KTN1: variants seen among roughly 807,000 people sequenced by gnomAD.
KTN1 encodes the protein kinectin 1.
KTN1 carries 130 observed loss-of-function variants against 222.5 expected under a neutral mutation model. The observed-to-expected ratio is 0.58, with a 90% CI of 0.51 to 0.68. KTN1 has a LOEUF of 0.68. Ranked by LOEUF, KTN1 falls within the 30% of genes least tolerant of loss-of-function variation. KTN1 has a pLI of 0.00. For missense variants in KTN1, 1,508 were observed against 1,500.4 expected (o/e 1.01, Z -0.08); for synonymous variants, 512 against 496.3 (o/e 1.03, Z -0.42).
At chr14:55,678,535 C>T (rs944066470) in intron 42 of KTN1, 91 bp downstream of exon 42, 30 of 763,730 alleles carry the variant, frequency 3.9e-5, no homozygotes, top group Non-Finnish European at 6.2e-5. Flanking sequence ...CTCCGAAAGT[C>T]ATCTTTCTTG....
chr14:55,580,659 C>CCCTCCCCAAGGACGACTCTCCCGAT (rs1244790235), intron 1 of KTN1, among the ~76,000 whole-genome samples: 4 of 152,006 alleles, frequency 2.6e-5, no homozygotes, highest in African/African-American at 9.7e-5. Flanking sequence ...ACACCCCCCA[C>CCCTCCCCAAGGACGACTCTCCCGAT]CCTCCCCAAG....
intron 6 of KTN1, among the ~76,000 whole-genome samples, chr14:55,629,293 C>T (rs2040229894): frequency 6.6e-6 from 1 of 151,928 alleles, no homozygotes; most frequent in African/African-American, 2.4e-5. Flanking sequence ...TGGTGGGTGC[C>T]TGTAGTCTCA....
At chr14:55,581,043 C>T (rs1594635634) in intron 1 of KTN1, among the ~76,000 whole-genome samples, 2 of 152,352 alleles carry the variant, frequency 1.3e-5, no homozygotes, top group East Asian at 1.9e-4. Flanking sequence ...CCCTTCCTGT[C>T]CCCGAGGGGT....
intron 1 of KTN1, among the ~76,000 whole-genome samples, chr14:55,610,014 G>A (rs989067577): frequency 1.3e-5 from 2 of 152,134 alleles, no homozygotes; most frequent in African/African-American, 2.4e-5. Context: ...AAACAATTCT[G>A]TATGGAGTTT....
At chr14:55,584,670 T>C (rs191716669) in intron 1 of KTN1, among the ~76,000 whole-genome samples, 1 of 152,354 alleles carries the variant, frequency 6.6e-6, no homozygotes, top group East Asian at 1.9e-4. Context: ...TCTGTCATAC[T>C]ATATAATTTC....
intron 1 of KTN1, among the ~76,000 whole-genome samples, chr14:55,590,584 T>G (rs958568579): frequency 6.6e-6 from 1 of 152,184 alleles, no homozygotes; most frequent in Non-Finnish European, 1.5e-5. Flanking sequence ...ATCCCTATTT[T>G]GTTGTTTTGT....
At chr14:55,583,738 C>G (rs2032277070) in intron 1 of KTN1, among the ~76,000 whole-genome samples, 1 of 152,170 alleles carries the variant, frequency 6.6e-6, no homozygotes, top group Non-Finnish European at 1.5e-5. Flanking sequence ...ATTTATATCT[C>G]CAACCCAGAC....
intron 28 of KTN1, among the ~76,000 whole-genome samples, chr14:55,654,733 G>A (rs897718871): frequency 6.6e-6 from 1 of 152,018 alleles, no homozygotes; most frequent in Non-Finnish European, 1.5e-5. Context: ...GAAGTTCATA[G>A]TTTCCATTAG....
intron 14 of KTN1, 63 bp downstream of exon 14, chr14:55,640,066 G>A: frequency 2.1e-6 from 2 of 951,298 alleles, no homozygotes; most frequent in Non-Finnish European, 3.4e-6. Context: ...TTACTTTGAT[G>A]CACATAATCA....
rs1364734336 is a variant in KTN1 at position 55,646,453 on chromosome 14, CTTTTCCT to C, written c.2173-516_2173-510del. ...TTCCTTTCCTTTCCTTTTCCTTTTC[CTTTTCCT>C]TTTCCTTTCCTTTCCTTTCCTTTCC... On this transcript the variant is annotated intron_variant, in intron 18 of 43. Coordinates refer to ENST00000395314, the MANE Select transcript of KTN1 (RefSeq NM_001079521.2). Among the ~76,000 whole-genome samples the C allele has an allele frequency of 1.8e-3, 167 of 91,982 alleles. 4 individuals are homozygous for C. Among genetic ancestry groups the C allele is most frequent in the Middle Eastern group, 6.7e-3 (1 of 150 alleles). The allele number at this position is 91,982 out of a possible 152,430, so 60.3% of individuals were successfully genotyped here.
chr14:55,656,389 T>A (rs1040255531), intron 29 of KTN1: 8 of 341,664 alleles, frequency 2.3e-5, no homozygotes, highest in Admixed American at 1.9e-4. Flanking sequence ...TAACAGTGTT[T>A]TCAAGATCTT....
In KTN1 at chr14:55,616,583, A is replaced by G. The variant is rs770940202; in HGVS notation, c.590A>G (p.His197Arg). The G allele has an allele frequency of 6.2e-7, 1 of 1,608,756 alleles. No individual in the cohort carries two copies. Among genetic ancestry groups the G allele is most frequent in the African/African-American group, 1.3e-5 (1 of 74,184 alleles). ...PSKRQEALPL[H>R]QETKQESGSG... ...AAAAGGCAAGAAGCATTGCCCCTCC[A>G]CCAAGAGACTAAACAAGAAAGTGGA... Residue 197 changes from histidine to arginine, a missense_variant, in exon 3 of 44, where the codon CAC becomes CGC. Physicochemically the swap from His to Arg is conservative, Grantham distance 29. Coordinates refer to ENST00000395314, the MANE Select transcript of KTN1 (RefSeq NM_001079521.2).
rs781130073 is a variant in KTN1, at chr14:55,612,094, A to G, written c.46A>G (p.Ile16Val). The G allele has an allele frequency of 3.9e-6, 6 of 1,539,230 alleles. No individual in the cohort carries two copies. Among genetic ancestry groups the G allele is most frequent in the African/African-American group, 1.4e-5 (1 of 71,464 alleles). ...ATATTTTATTGTTCTTATTCCTTCA[A>G]TAGTTATTACAGTAATTTTCCTCTT... is the stretch of plus-strand genomic sequence containing the variant. Reference protein sequence around the residue: ...SAYFIVLIPSIVITVIFLFFW... With the variant: ...SAYFIVLIPSVVITVIFLFFW... The change falls in exon 2 of 44, where the codon ATA becomes GTA. Residue 16 changes from isoleucine to valine, a missense_variant. By Grantham distance (29) the Ile-to-Val change is conservative. Coordinates refer to ENST00000395314, the MANE Select transcript of KTN1 (RefSeq NM_001079521.2).
intron 1 of KTN1, among the ~76,000 whole-genome samples, chr14:55,604,922 A>G (rs941716152): frequency 2.0e-5 from 3 of 152,204 alleles, no homozygotes; most frequent in Admixed American, 6.5e-5. Context: ...TTTAGAATCC[A>G]TAGTAGCCTC....
rs1272091582 is a variant in KTN1 at position 55,637,179 on chromosome 14, A to C, written c.1550-19A>C. ...AGGCAAAGAAAGAGACCTCTGTAAA[A>C]TGTAATGTTTTATTACAGATTTACA... On this transcript the variant is annotated intron_variant, in intron 10 of 43. Coordinates refer to ENST00000395314, the MANE Select transcript of KTN1 (RefSeq NM_001079521.2). 1 of 1,560,112 alleles carries C rather than the reference A, an allele frequency of 6.4e-7. No individual in the cohort carries two copies. The highest frequency in any genetic ancestry group is 2.3e-5 in the East Asian group (1 of 44,034).
At chr14:55,649,022 C>A in intron 21 of KTN1, 152 bp downstream of exon 21, 1 of 611,592 alleles carries the variant, frequency 1.6e-6, no homozygotes, top group Non-Finnish European at 2.9e-6. Flanking sequence ...AACTCCTGGG[C>A]TCAACCGATA....
intron 18 of KTN1, among the ~76,000 whole-genome samples, chr14:55,643,203 C>T (rs944618745): frequency 9.2e-5 from 14 of 152,146 alleles, no homozygotes; most frequent in Non-Finnish European, 1.8e-4. Flanking sequence ...AGCCACTGTG[C>T]CCAGCTAAGG....
At chr14:55,665,095 A>G (rs2044574026) in intron 33 of KTN1, among the ~76,000 whole-genome samples, 1 of 151,882 alleles carries the variant, frequency 6.6e-6, no homozygotes, top group Non-Finnish European at 1.5e-5. Context: ...AATTTTCAGT[A>G]AAGGTTAAAT....
At chr14:55,655,973 G>A in intron 28 of KTN1, 69 bp from the exon 29 acceptor site, 2 of 799,814 alleles carry the variant, frequency 2.5e-6, no homozygotes, top group South Asian at 1.8e-5. Context: ...TTTCTTAGGG[G>A]TGATATTGGA....
Sources: gnomAD v4.1 joint callset for allele counts (sites outside exome capture counted in the v4.1 genomes callset) on GRCh38, gnomAD v4.1.1 for gene constraint, MANE v1.5 for transcripts, NCBI Gene and HGNC (gene_info 2026-07-23, HGNC 2026-07-21) for gene names.